MBNL1: variants seen among roughly 807,000 people sequenced by gnomAD.
MBNL1 encodes muscleblind like splicing regulator 1, also known as muscleblind-like protein 1.
In MBNL1, 8 loss-of-function variants were observed where a neutral mutation model predicts 42.2. The ratio of observed to expected loss-of-function variants is 0.19; its 90% CI spans 0.11 to 0.34. The LOEUF is 0.34. MBNL1 is among the 10% of genes least tolerant of loss of function. The pLI is 1.00. For synonymous variants in MBNL1, 169 were observed against 173.9 expected (o/e 0.97, Z 0.22); for missense variants, 309 against 495.3 (o/e 0.62, Z 3.57).
Position 152,376,012 on chromosome 3 carries a change from T to A in MBNL1, c.175-38929T>A, listed in dbSNP as rs74849750. On this transcript the variant is annotated intron_variant, in intron 2 of 9. Transcript: ENST00000324210. ...CCTTTAGCCTTCAGAAAAATCTAAG[T>A]TTAGATACCAATTCTTTGTTTCCTG... Among the ~76,000 whole-genome samples the A allele has an allele frequency of 5.6e-4, 85 of 152,286 alleles. 1 individual carries two copies. Among genetic ancestry groups the A allele is most frequent in the African/African-American group, 1.9e-3 (78 of 41,562 alleles).
chr3:152,327,849 C>G (rs2152534909), intron 2 of MBNL1, among the ~76,000 whole-genome samples: 1 of 151,214 alleles, frequency 6.6e-6, no homozygotes, highest in East Asian at 1.9e-4. Flanking sequence ...AGTTCTTGGT[C>G]TTAGTGTCTA....
chr3:152,343,406 G>A (rs922714458), intron 2 of MBNL1, among the ~76,000 whole-genome samples: 2 of 152,158 alleles, frequency 1.3e-5, no homozygotes, highest in Admixed American at 6.5e-5. Context: ...TGGAGCTCAA[G>A]TGTCTGGCCT....
chr3:152,446,932 A>G (rs2099235725), intron 5 of MBNL1, among the ~76,000 whole-genome samples: 1 of 152,196 alleles, frequency 6.6e-6, no homozygotes, highest in Admixed American at 6.5e-5. Flanking sequence ...TAATCTAAGT[A>G]CATAGATGGA....
chr3:152,332,799 A>G (rs2086167963), intron 2 of MBNL1, among the ~76,000 whole-genome samples: 1 of 152,044 alleles, frequency 6.6e-6, no homozygotes, highest in Non-Finnish European at 1.5e-5. Context: ...AAAGCTGAAG[A>G]TAGCCAAAAT....
intron 2 of MBNL1, among the ~76,000 whole-genome samples, chr3:152,334,787 T>G (rs1306018662): frequency 1.3e-5 from 2 of 152,196 alleles, no homozygotes; most frequent in Non-Finnish European, 2.9e-5. Flanking sequence ...CATCAAGTCT[T>G]CCTTATAATA....
In MBNL1 at chr3:152,303,545, G is replaced by A. The variant is rs1291921439; in HGVS notation, c.174+3178G>A. ...TCCCCTATGGCTTGTGAAAGAGATA[G>A]GAAAAAAGAAAAGAAAAATATTAAC... On this transcript the variant is annotated intron_variant, in intron 2 of 9. Coordinates refer to ENST00000324210, the MANE Select transcript of MBNL1 (RefSeq NM_021038.5). 4.0e-5 allele frequency among the ~76,000 whole-genome samples: 6 copies of A among 151,898 alleles called. No homozygotes were observed. The East Asian group carries it at 1.2e-3, about 29-fold the overall frequency.
chr3:152,269,377 G>A (rs1334026162), intron 1 of MBNL1: 6 of 361,154 alleles, frequency 1.7e-5, no homozygotes, highest in Non-Finnish European at 2.7e-5. Flanking sequence ...GCGGGACCCA[G>A]GGAGAAACAG....
chr3:152,324,307 A>G (rs1262266549), intron 2 of MBNL1, among the ~76,000 whole-genome samples: 2 of 152,186 alleles, frequency 1.3e-5, no homozygotes, highest in African/African-American at 4.8e-5. Flanking sequence ...ACTATGACTT[A>G]TACAGAGTCT....
intron 2 of MBNL1, among the ~76,000 whole-genome samples, chr3:152,407,272 C>T (rs952633905): frequency 8.4e-6 from 1 of 119,102 alleles, no homozygotes; most frequent in East Asian, 2.6e-4. Context: ...TCTCCCAGCT[C>T]TTGTGGTTGA....
At chr3:152,245,567 A>G (rs949593475) in intron 2 of MBNL1, among the ~76,000 whole-genome samples, 2 of 152,200 alleles carry the variant, frequency 1.3e-5, no homozygotes, top group Admixed American at 1.3e-4. Context: ...AAATTAGACT[A>G]ATCTCATGGC....
intron 2 of MBNL1, among the ~76,000 whole-genome samples, chr3:152,255,064 T>C (rs139946176): frequency 5.2e-4 from 79 of 152,256 alleles, no homozygotes; most frequent in African/African-American, 1.9e-3. Flanking sequence ...TAGATTATTA[T>C]GATGCAGTCC....
intron 2 of MBNL1, among the ~76,000 whole-genome samples, chr3:152,372,718 T>C (rs1272438269): frequency 6.6e-6 from 1 of 152,090 alleles, no homozygotes; most frequent in Non-Finnish European, 1.5e-5. Context: ...AGCTCTCCTG[T>C]ATGAGGTGTC....
chr3:152,459,386 G>GT (rs927905524), intron 9 of MBNL1, 41 bp downstream of exon 9: 222 of 1,227,942 alleles, frequency 1.8e-4, no homozygotes, highest in South Asian at 4.0e-4. Flanking sequence ...ATTTGTGGTG[G>GT]TTTTTTTTAA....
At chr3:152,415,241 A>C in intron 3 of MBNL1, 130 bp downstream of exon 3, 1 of 800,684 alleles carries the variant, frequency 1.2e-6, no homozygotes, top group East Asian at 3.1e-5. Flanking sequence ...ATTTTCTAGC[A>C]AAATTAAGTA....
intron 2 of MBNL1, among the ~76,000 whole-genome samples, chr3:152,351,738 A>T (rs1006534495): frequency 1.3e-5 from 2 of 152,220 alleles, no homozygotes; most frequent in Non-Finnish European, 2.9e-5. Context: ...TAGTTGTGTC[A>T]TCTGTAACAC....
At chr3:152,356,155 CT>C (rs2095500240) in intron 2 of MBNL1, among the ~76,000 whole-genome samples, 1 of 151,834 alleles carries the variant, frequency 6.6e-6, no homozygotes, top group South Asian at 2.1e-4. Context: ...GAAAAAAAAT[CT>C]AACTTATGCT....
At chr3:152,353,525 G>T (rs372488470) in intron 2 of MBNL1, among the ~76,000 whole-genome samples, 4 of 151,944 alleles carry the variant, frequency 2.6e-5, no homozygotes, top group African/African-American at 9.7e-5. Context: ...TAATTTTTTT[G>T]TGATACTTGA....
intron 2 of MBNL1, among the ~76,000 whole-genome samples, chr3:152,318,935 C>T (rs538250824): frequency 9.9e-5 from 15 of 152,200 alleles, no homozygotes; most frequent in Admixed American, 2.6e-4. Flanking sequence ...ATATTTAAAA[C>T]TTGGAATACA....
chr3:152,312,235 ATTG>A, intron 2 of MBNL1, among the ~76,000 whole-genome samples: 1 of 151,872 alleles, frequency 6.6e-6, no homozygotes, highest in Non-Finnish European at 1.5e-5. Context: ...AAATATTAGA[ATTG>A]ATCATGTTAT....
Sources: allele counts gnomAD v4.1 joint callset (sites outside exome capture counted in the v4.1 genomes callset), GRCh38; gene constraint gnomAD v4.1.1; transcripts MANE v1.5; gene names NCBI Gene and HGNC (gene_info 2026-07-23, HGNC 2026-07-21).